Variants in QTMAN observed in about 807,000 individuals in gnomAD.
The protein encoded by QTMAN is queuosine-tRNA mannosyltransferase, also known as tRNA-queuosine alpha-mannosyltransferase.
chr2:144,147,177 T>C, the QTMAN span, among the ~76,000 whole-genome samples: 2 of 151,632 alleles, frequency 1.3e-5, no homozygotes, highest in Non-Finnish European at 2.9e-5. Flanking sequence ...CTTCACGGGC[T>C]AAAAGAGGCA....
the QTMAN span, among the ~76,000 whole-genome samples, chr2:143,964,399 AT>A: frequency 6.6e-6 from 1 of 152,128 alleles, no homozygotes; most frequent in African/African-American, 2.4e-5. Context: ...ATCTCAATGT[AT>A]TTATCTTTTG....
the QTMAN span, among the ~76,000 whole-genome samples, chr2:143,961,092 A>G: frequency 6.6e-6 from 1 of 152,182 alleles, no homozygotes; most frequent in Non-Finnish European, 1.5e-5. Context: ...TATAAATTCC[A>G]GGACAGTGTT....
the QTMAN span, among the ~76,000 whole-genome samples, chr2:143,949,136 G>A: frequency 6.6e-6 from 1 of 151,938 alleles, no homozygotes; most frequent in South Asian, 2.1e-4. Flanking sequence ...GTGTGTATAA[G>A]AGAGAAAGAG....
chr2:144,133,116 A>AATATATAT, the QTMAN span, among the ~76,000 whole-genome samples: 374 of 41,282 alleles, frequency 9.1e-3, 1 homozygote, highest in Middle Eastern at 0.026. Context: ...AATGACTGGT[A>AATATATAT]ATATATATAT....
the QTMAN span, among the ~76,000 whole-genome samples, chr2:144,187,398 C>T: frequency 6.6e-6 from 1 of 152,122 alleles, no homozygotes; most frequent in Non-Finnish European, 1.5e-5. Context: ...GGAACTAATC[C>T]AGTCTTGCGA....
At chr2:143,995,909 C>T in the QTMAN span, among the ~76,000 whole-genome samples, 13 of 152,166 alleles carry the variant, frequency 8.5e-5, no homozygotes, top group Admixed American at 2.0e-4. Context: ...CTTTAAAAAT[C>T]GAACTCCCCA....
chr2:144,230,016 TA>T, the QTMAN span, among the ~76,000 whole-genome samples: 91 of 152,176 alleles, frequency 6.0e-4, no homozygotes, highest in East Asian at 5.2e-3. Flanking sequence ...CCATGTGATA[TA>T]AAAAAAATTC....
chr2:144,291,025 G>GTC, the QTMAN span, among the ~76,000 whole-genome samples: 1 of 152,136 alleles, frequency 6.6e-6, no homozygotes, highest in African/African-American at 2.4e-5. Flanking sequence ...TCTGTTTCAA[G>GTC]TCTCTCTCTC....
the QTMAN span, among the ~76,000 whole-genome samples, chr2:144,323,250 G>A: frequency 2.0e-5 from 3 of 152,126 alleles, no homozygotes. Flanking sequence ...AATGTACTCT[G>A]GATATGCAGC....
chr2:144,090,985 C>T, the QTMAN span, among the ~76,000 whole-genome samples: 1 of 151,800 alleles, frequency 6.6e-6, no homozygotes, highest in Non-Finnish European at 1.5e-5. Flanking sequence ...GTAGTATTGA[C>T]ATCAAAAAAG....
At chr2:143,967,533 G>A in the QTMAN span, among the ~76,000 whole-genome samples, 1 of 152,078 alleles carries the variant, frequency 6.6e-6, no homozygotes, top group Non-Finnish European at 1.5e-5. Flanking sequence ...GTTTCACCAT[G>A]TTGGCCAGGC....
At chr2:144,110,295 A>G in the QTMAN span, among the ~76,000 whole-genome samples, 1 of 152,192 alleles carries the variant, frequency 6.6e-6, no homozygotes, top group Admixed American at 6.5e-5. Flanking sequence ...GCAAGGACAA[A>G]AAACCGAACA....
chr2:144,134,054 C>T, the QTMAN span, among the ~76,000 whole-genome samples: 1 of 152,116 alleles, frequency 6.6e-6, no homozygotes, highest in African/African-American at 2.4e-5. Flanking sequence ...TCCCTAAAAG[C>T]AGAACTCTTG....
the QTMAN span, among the ~76,000 whole-genome samples, chr2:144,272,049 T>TA: frequency 6.6e-6 from 1 of 152,202 alleles, no homozygotes; most frequent in Non-Finnish European, 1.5e-5. Flanking sequence ...TGAAACTCCA[T>TA]AAGCCCACAG....
At chr2:144,139,727 G>A in the QTMAN span, among the ~76,000 whole-genome samples, 4 of 152,024 alleles carry the variant, frequency 2.6e-5, no homozygotes, top group African/African-American at 7.2e-5. Flanking sequence ...TAATATTAGC[G>A]AAACTGCTGA....
At chr2:144,017,046 C>T in the QTMAN span, among the ~76,000 whole-genome samples, 1 of 151,682 alleles carries the variant, frequency 6.6e-6, no homozygotes, top group African/African-American at 2.4e-5. Flanking sequence ...CACTCTGTCG[C>T]CAGGCTGGAG....
chr2:144,127,766 T>C, the QTMAN span, among the ~76,000 whole-genome samples: 20 of 151,972 alleles, frequency 1.3e-4, no homozygotes, highest in African/African-American at 3.4e-4. Flanking sequence ...TTAGAGAATC[T>C]AAGAGTCTGA....
the QTMAN span, among the ~76,000 whole-genome samples, chr2:144,236,527 T>C: frequency 6.6e-6 from 1 of 151,270 alleles, no homozygotes; most frequent in African/African-American, 2.4e-5. Context: ...AAGGACCATT[T>C]ATGACAAGGA....
At chr2:144,096,335 G>A in the QTMAN span, among the ~76,000 whole-genome samples, 1 of 152,170 alleles carries the variant, frequency 6.6e-6, no homozygotes, top group Non-Finnish European at 1.5e-5. Flanking sequence ...ACTTAAAAGA[G>A]AGCCACGCTT....
Sources: allele counts gnomAD v4.1 joint callset (sites outside exome capture counted in the v4.1 genomes callset), GRCh38; gene constraint gnomAD v4.1.1; transcripts MANE v1.5; gene names NCBI Gene and HGNC (gene_info 2026-07-23, HGNC 2026-07-21).